TRPS1: variants seen among roughly 807,000 people sequenced by gnomAD.
TRPS1 encodes the protein transcriptional repressor GATA binding 1.
A neutral mutation model predicts 101.2 loss-of-function variants in TRPS1; 6 were observed. The observed-to-expected ratio is 0.06, with a 90% CI of 0.03 to 0.12. The LOEUF (loss-of-function observed/expected upper bound fraction) is 0.12, where lower values mean the gene tolerates loss of function less well. Among genes scored for constraint, TRPS1 ranks in the 10% least tolerant of loss-of-function variants. TRPS1 has a pLI of 1.00. For missense variants in TRPS1, 1,363 were observed against 1,567.0 expected (o/e 0.87, Z 2.20); for synonymous variants, 578 against 589.8 (o/e 0.98, Z 0.29).
At chr8:115,449,998 C>CACACACACAT (rs1813828738) in intron 5 of TRPS1, among the ~76,000 whole-genome samples, 1 of 149,716 alleles carries the variant, frequency 6.7e-6, no homozygotes, top group African/African-American at 2.5e-5. Context: ...CAGACATACA[C>CACACACACAT]ACACAGAGGA....
chr8:115,575,305 G>A (rs1031123991), intron 5 of TRPS1, among the ~76,000 whole-genome samples: 1 of 152,000 alleles, frequency 6.6e-6, no homozygotes, highest in Non-Finnish European at 1.5e-5. Flanking sequence ...CAGAATATAC[G>A]CTGCTATAAA....
intron 5 of TRPS1, among the ~76,000 whole-genome samples, chr8:115,530,534 G>T (rs1816104486): frequency 6.6e-6 from 1 of 152,198 alleles, no homozygotes; most frequent in South Asian, 2.1e-4. Flanking sequence ...GTGAAAACAT[G>T]GAGTAACACT....
At chr8:115,431,147 T>A (rs558971063) in intron 5 of TRPS1, among the ~76,000 whole-genome samples, 1 of 152,186 alleles carries the variant, frequency 6.6e-6, no homozygotes, top group South Asian at 2.1e-4. Context: ...GACTATGGAA[T>A]GTCATGTTTG....
intron 6 of TRPS1, 115 bp from the exon 7 acceptor site, chr8:115,415,199 C>T (rs1812889818): frequency 3.6e-6 from 4 of 1,125,338 alleles, no homozygotes; most frequent in Non-Finnish European, 4.9e-6. Flanking sequence ...GATAGGCTTT[C>T]TGCTGTAGAT....
intron 5 of TRPS1, among the ~76,000 whole-genome samples, chr8:115,522,372 G>A (rs574781392): frequency 6.6e-6 from 1 of 151,890 alleles, no homozygotes; most frequent in East Asian, 1.9e-4. Context: ...AATTCATATG[G>A]GTGCTCCACA....
Position 115,479,554 on chromosome 8 carries a change from A to G in TRPS1, c.2701-61102T>C, listed in dbSNP as rs530945904. ...ACCAAACAAAACAAAGCAAAACAAA[A>G]CAAAACAAAGATTTGTCTGATAATT... On this transcript the variant is annotated intron_variant, in intron 5 of 6. Transcript: ENST00000395715. Among the ~76,000 whole-genome samples the G allele has an allele frequency of 7.9e-5, 12 of 152,292 alleles. No homozygotes were observed. In the South Asian group the frequency reaches 1.2e-3, roughly 16 times the overall value.
At chr8:115,628,611 T>G (rs1015400478) in intron 1 of TRPS1, among the ~76,000 whole-genome samples, 10 of 151,854 alleles carry the variant, frequency 6.6e-5, no homozygotes. Flanking sequence ...GCAAAAAAAG[T>G]AAACATATAA....
chr8:115,458,082 ATGACTTT>A (rs1219709678), intron 5 of TRPS1, among the ~76,000 whole-genome samples: 1 of 152,188 alleles, frequency 6.6e-6, no homozygotes, highest in Non-Finnish European at 1.5e-5. Flanking sequence ...ACACTTGCAT[ATGACTTT>A]TAAGTTCCTT....
chr8:115,634,867 A>G (rs1818730843), intron 1 of TRPS1, among the ~76,000 whole-genome samples: 1 of 144,422 alleles, frequency 6.9e-6, no homozygotes, highest in South Asian at 2.2e-4. Flanking sequence ...TCTTAGGTTA[A>G]AAAAAAAAAA....
chr8:115,557,840 C>T (rs891748728), intron 5 of TRPS1, among the ~76,000 whole-genome samples: 2 of 152,284 alleles, frequency 1.3e-5, no homozygotes, highest in Admixed American at 6.5e-5. Flanking sequence ...AATAGCACCA[C>T]ATGTTTCAAG....
intron 1 of TRPS1, among the ~76,000 whole-genome samples, chr8:115,663,271 A>G (rs1333645603): frequency 6.6e-6 from 1 of 150,614 alleles, no homozygotes; most frequent in Non-Finnish European, 1.5e-5. Context: ...TTTAAATGGC[A>G]TTTTGGCCAC....
At chr8:115,612,760 C>G (rs2737214) in intron 3 of TRPS1, among the ~76,000 whole-genome samples, 82,391 of 152,024 alleles carry the variant, frequency 0.54, 23,533 homozygotes, top group East Asian at 0.85. Context: ...TGTGAATTCC[C>G]AAACTCCTCA....
At chr8:115,601,642 T>G (rs1334799131) in intron 4 of TRPS1, among the ~76,000 whole-genome samples, 1 of 152,222 alleles carries the variant, frequency 6.6e-6, no homozygotes, top group African/African-American at 2.4e-5. Context: ...TATTTCAATT[T>G]TTAGCTAATA....
chr8:115,489,311 C>T (rs1814964079), intron 5 of TRPS1, among the ~76,000 whole-genome samples: 1 of 152,174 alleles, frequency 6.6e-6, no homozygotes, highest in African/African-American at 2.4e-5. Context: ...AAAACAAAGA[C>T]TGGGACTGAA....
At chr8:115,490,500 A>C (rs559598403) in intron 5 of TRPS1, among the ~76,000 whole-genome samples, 155 of 152,294 alleles carry the variant, frequency 1.0e-3, no homozygotes, top group African/African-American at 3.4e-3. Flanking sequence ...CTAATGAATA[A>C]TGTTCTAATA....
chr8:115,591,050 T>G (rs2130455184), intron 4 of TRPS1, among the ~76,000 whole-genome samples: 1 of 152,340 alleles, frequency 6.6e-6, no homozygotes, highest in South Asian at 2.1e-4. Context: ...TTCTATGCTT[T>G]TCTGCTTCAT....
At chr8:115,631,990 T>C (rs1818656883) in intron 1 of TRPS1, among the ~76,000 whole-genome samples, 1 of 152,116 alleles carries the variant, frequency 6.6e-6, no homozygotes, top group South Asian at 2.1e-4. Flanking sequence ...GTTGGTTTGA[T>C]TTAGATTCCA....
chr8:115,575,439 GTC>G (rs1817296503), intron 5 of TRPS1, among the ~76,000 whole-genome samples: 1 of 152,124 alleles, frequency 6.6e-6, no homozygotes, highest in African/African-American at 2.4e-5. Flanking sequence ...GTGCCTGTGT[GTC>G]TGTGTCCAGA....
intron 5 of TRPS1, among the ~76,000 whole-genome samples, chr8:115,449,629 C>T (rs1022642460): frequency 2.6e-5 from 4 of 152,326 alleles, no homozygotes; most frequent in African/African-American, 9.6e-5. Flanking sequence ...GTTGGCCCCA[C>T]ACCAAAATTT....
Sources: allele counts gnomAD v4.1 joint callset (sites outside exome capture counted in the v4.1 genomes callset), GRCh38; gene constraint gnomAD v4.1.1; transcripts MANE v1.5; gene names NCBI Gene and HGNC (gene_info 2026-07-23, HGNC 2026-07-21).